Variants in PYHIN1 observed in about 807,000 individuals in gnomAD.
PYHIN1 encodes the protein pyrin and HIN domain-containing protein 1.
Under a neutral mutation model 43.7 loss-of-function variants are expected in PYHIN1, and 32 were observed. The ratio of observed to expected loss-of-function variants is 0.73; its 90% CI spans 0.55 to 0.98. The LOEUF (loss-of-function observed/expected upper bound fraction) is 0.98. PYHIN1 is among the 50% of genes least tolerant of loss of function. The probability of loss-of-function intolerance (pLI) is 0.00; values close to 1 mark genes in which losing one functional copy is unlikely to be tolerated. For synonymous variants in PYHIN1, 205 were observed against 203.1 expected (o/e 1.01, Z -0.08); for missense variants, 588 against 589.5 (o/e 1.00, Z 0.03).
rs1048329666 is a variant in PYHIN1, at chr1:158,973,759, T to C, written c.1472T>C (p.Val491Ala). The change falls in exon 8 of 9, where the codon GTT becomes GCT. Residue 491 changes from valine to alanine, a missense_variant. Physicochemically the swap from Val to Ala is moderately conservative, Grantham distance 64 (BLOSUM62 0). Coordinates refer to ENST00000368140, the MANE Select transcript of PYHIN1 (RefSeq NM_152501.5). ...ACTTCCACCAACCGCCATCCAGCAG[T>C]TCCTTAAATAAGGTACCACCTTTCT... ...SDTSTNRHPA[V>A]P 9 of 1,612,822 alleles carry C rather than the reference T, an allele frequency of 5.6e-6. No individual in the cohort carries two copies. Among genetic ancestry groups the C allele is most frequent in the Non-Finnish European group, 6.8e-6 (8 of 1,179,274 alleles).
downstream of PYHIN1, among the ~76,000 whole-genome samples, chr1:158,979,802 G>A (rs1651426528): frequency 6.6e-6 from 1 of 152,016 alleles, no homozygotes; most frequent in Admixed American, 6.6e-5. Flanking sequence ...CATGTTGCTG[G>A]GATTGGCATA....
intron 7 of PYHIN1, among the ~76,000 whole-genome samples, chr1:158,959,857 G>C (rs181964688): frequency 1.6e-4 from 25 of 152,338 alleles, no homozygotes; most frequent in Admixed American, 1.5e-3. Flanking sequence ...GTCAGTTCAT[G>C]CTATGTGCAT....
chr1:158,932,010 G>A (rs548895452), intron 1 of PYHIN1, among the ~76,000 whole-genome samples: 2 of 152,280 alleles, frequency 1.3e-5, no homozygotes, highest in South Asian at 4.1e-4. Context: ...GAAGGAATAT[G>A]CATTTTGACC....
chr1:158,937,814 C>T (rs1648649331), intron 2 of PYHIN1, among the ~76,000 whole-genome samples: 1 of 151,990 alleles, frequency 6.6e-6, no homozygotes. Flanking sequence ...GGCGTGGTGG[C>T]AGGCACCTGT....
At chr1:158,934,360 A>G (rs1385410164) in intron 1 of PYHIN1, among the ~76,000 whole-genome samples, 1 of 152,172 alleles carries the variant, frequency 6.6e-6, no homozygotes, top group Non-Finnish European at 1.5e-5. Flanking sequence ...AAAACTTCCC[A>G]TTTCTAAACT....
chr1:158,970,086 A>G (rs1012196402), intron 7 of PYHIN1, among the ~76,000 whole-genome samples: 5 of 151,968 alleles, frequency 3.3e-5, no homozygotes, highest in Non-Finnish European at 5.9e-5. Context: ...CCCGAAGAAG[A>G]CAGAAGCATG....
In PYHIN1 at chr1:158,973,650, G is replaced by T. The variant is rs965416102; in HGVS notation, c.1363G>T (p.Asp455Tyr). The change falls in exon 8 of 9, where the codon GAT (aspartate) becomes TAT (tyrosine). Residue 455 changes from aspartate to tyrosine, a missense_variant. Asp to Tyr is a radical substitution (Grantham distance 160). Coordinates refer to ENST00000368140, the MANE Select transcript of PYHIN1 (RefSeq NM_152501.5). ...TTACCCAAATTTATGACTCCAGAAG[G>T]ATGAAACCCACCCAGGAGCACAGTC... is the stretch of plus-strand genomic sequence containing the variant. The part of the protein sequence containing the change: ...TPSSSSFTKK[D>Y]ETHPGAQSSP... 4.3e-6 allele frequency: 7 copies of T among 1,612,860 alleles called. No homozygotes were observed. The highest frequency in any genetic ancestry group is 5.9e-6 in the Non-Finnish European group (7 of 1,179,318).
intron 7 of PYHIN1, among the ~76,000 whole-genome samples, chr1:158,946,600 A>G (rs947463983): frequency 6.7e-6 from 1 of 148,996 alleles, no homozygotes; most frequent in Non-Finnish European, 1.5e-5. Flanking sequence ...GATGAAACAT[A>G]AAGCTGGATT....
the PYHIN1 span, among the ~76,000 whole-genome samples, chr1:158,987,355 A>G: frequency 6.6e-6 from 1 of 152,288 alleles, no homozygotes; most frequent in South Asian, 2.1e-4. Context: ...CTGTTTGTAT[A>G]TCTTCTTGGA....
At chr1:158,970,905 G>T (rs1650897826) in intron 7 of PYHIN1, among the ~76,000 whole-genome samples, 1 of 151,976 alleles carries the variant, frequency 6.6e-6, no homozygotes, top group Non-Finnish European at 1.5e-5. Flanking sequence ...ATGAGGTTCA[G>T]AGAAGTTAGA....
chr1:158,985,771 C>T, the PYHIN1 span, among the ~76,000 whole-genome samples: 1,375 of 152,258 alleles, frequency 9.0e-3, 96 homozygotes, highest in East Asian at 0.18. Flanking sequence ...GTCTCTCTCC[C>T]TCTCTTTCTG....
the PYHIN1 span, among the ~76,000 whole-genome samples, chr1:158,983,559 C>CT: frequency 3.0e-4 from 45 of 151,762 alleles, no homozygotes; most frequent in Non-Finnish European, 5.2e-4. Context: ...TTTTTGAGGA[C>CT]TTTTGCATCA....
intron 7 of PYHIN1, among the ~76,000 whole-genome samples, chr1:158,953,691 T>G (rs1649731198): frequency 6.6e-6 from 1 of 152,150 alleles, no homozygotes; most frequent in African/African-American, 2.4e-5. Flanking sequence ...AAACACACAG[T>G]GCCTCTCCTC....
chr1:158,948,777 G>A (rs1649362462), intron 7 of PYHIN1, among the ~76,000 whole-genome samples: 1 of 152,112 alleles, frequency 6.6e-6, no homozygotes, highest in South Asian at 2.1e-4. Context: ...GGTGGCAAGG[G>A]CAGAGGAACC....
chr1:158,982,197 A>T, the PYHIN1 span, among the ~76,000 whole-genome samples: 1 of 152,166 alleles, frequency 6.6e-6, no homozygotes, highest in Non-Finnish European at 1.5e-5. Flanking sequence ...AGTCTTTGTC[A>T]TGAAGTCTTT....
chr1:158,984,427 T>G, the PYHIN1 span, among the ~76,000 whole-genome samples: 1 of 152,166 alleles, frequency 6.6e-6, no homozygotes, highest in Non-Finnish European at 1.5e-5. Context: ...AGGAGTAAGT[T>G]GTTTAATTTC....
chr1:158,968,661 A>G (rs1161638908), intron 7 of PYHIN1, among the ~76,000 whole-genome samples: 3 of 152,106 alleles, frequency 2.0e-5, no homozygotes, highest in African/African-American at 7.2e-5. Flanking sequence ...TCATTGCACC[A>G]CTATTCACAA....
chr1:158,933,856 C>T lies in PYHIN1; in HGVS notation c.-21+2080C>T, dbSNP rs1169130105. Among the ~76,000 whole-genome samples, 2 of 151,870 alleles carry T rather than the reference C, an allele frequency of 1.3e-5. No homozygotes were observed. Among genetic ancestry groups the T allele is most frequent in the South Asian group, 2.1e-4 (1 of 4,810 alleles). ...AGTCATAGGCACACATAATCAAGTT[C>T]GTTTTTCATTCTTACTTGTCTTTTG... On this transcript the variant is annotated intron_variant, in intron 1 of 8. Transcript: ENST00000368140. This position sits in a 1 kb window ranked among gnomAD's most constrained non-coding sequence, Gnocchi z 6.3.
rs1255740182 is a variant in PYHIN1, at chr1:158,938,556, A to G, written c.411+14A>G. The G allele has an allele frequency of 6.2e-7, 1 of 1,613,478 alleles. No homozygotes were observed. Among genetic ancestry groups the G allele is most frequent in the Non-Finnish European group, 8.5e-7 (1 of 1,179,718 alleles). On this transcript the variant is annotated intron_variant, in intron 3 of 8. Transcript: ENST00000368140. ...CTTGGACCTCAGGTAAGCTTCAGGA[A>G]GAGGAGCAGGCTTCAAGTCTCACAG...
Sources: gnomAD v4.1 joint callset for allele counts (sites outside exome capture counted in the v4.1 genomes callset) on GRCh38, gnomAD v4.1.1 for gene constraint, Gnocchi (gnomAD v3.1) non-coding constraint, MANE v1.5 for transcripts, NCBI Gene and HGNC (gene_info 2026-07-23, HGNC 2026-07-21) for gene names.